INPP4B: variants seen among roughly 807,000 people sequenced by gnomAD.
INPP4B encodes the protein inositol polyphosphate-4-phosphatase type II B, also known as inositol polyphosphate 4-phosphatase type II.
In INPP4B, 55 loss-of-function variants were observed where a neutral mutation model predicts 122.5. The observed-to-expected ratio is 0.45, with a 90% confidence interval of 0.36 to 0.56. The LOEUF (loss-of-function observed/expected upper bound fraction) is 0.56, where lower values mean the gene tolerates loss of function less well. Ranked by LOEUF, INPP4B falls within the 20% of genes least tolerant of loss-of-function variation. INPP4B has a pLI of 0.00. For missense variants in INPP4B, 1,000 were observed against 1,097.7 expected, an observed-to-expected ratio of 0.91 and a Z score of 1.26; for synonymous variants, 403 against 388.7, an observed-to-expected ratio of 1.04 and a Z score of -0.43.
chr4:142,731,698 A>G lies in INPP4B; in HGVS notation c.-253-5797T>C, dbSNP rs1013071106. Among the ~76,000 whole-genome samples, 5 of 152,296 alleles carry G rather than the reference A, an allele frequency of 3.3e-5. No individual in the cohort carries two copies. The East Asian group carries it at 7.7e-4, about 24-fold the overall frequency. ...GTGAAACCCCCCACAAGAAAGTGGA[A>G]TAAAGGTAATAGAAGCATTAGGACT... is the stretch of plus-strand genomic sequence containing the variant. On this transcript the variant is annotated intron_variant, in intron 1 of 25. Transcript: ENST00000262992.
chr4:142,475,239 A>T (rs1819608654), intron 2 of INPP4B, among the ~76,000 whole-genome samples: 1 of 152,086 alleles, frequency 6.6e-6, no homozygotes, highest in Admixed American at 6.5e-5. Context: ...AACTCATACC[A>T]CAAGCAAATT....
chr4:142,734,219 G>A (rs1241804458), intron 1 of INPP4B, among the ~76,000 whole-genome samples: 1 of 152,182 alleles, frequency 6.6e-6, no homozygotes, highest in African/African-American at 2.4e-5. Context: ...GAGGGCACAG[G>A]AAGATACTGT....
At chr4:142,575,664 G>T (rs1036557005) in intron 2 of INPP4B, among the ~76,000 whole-genome samples, 2 of 152,088 alleles carry the variant, frequency 1.3e-5, no homozygotes, top group East Asian at 1.9e-4. Context: ...GACAGGGATG[G>T]CATACTGGAA....
chr4:142,561,064 A>G (rs1730371357), intron 2 of INPP4B, among the ~76,000 whole-genome samples: 1 of 152,240 alleles, frequency 6.6e-6, no homozygotes, highest in Admixed American at 6.5e-5. Flanking sequence ...CCAAAAAAGT[A>G]TTTAATAAGA....
In INPP4B at chr4:142,556,239, T is replaced by C. The variant is rs1276384470; in HGVS notation, c.-190-93513A>G. Among the ~76,000 whole-genome samples the C allele has an allele frequency of 2.0e-5, 3 of 152,328 alleles. No homozygotes were observed. In the East Asian group the frequency reaches 5.8e-4, roughly 29 times the overall value. On this transcript the variant is annotated intron_variant, in intron 2 of 25. Coordinates refer to ENST00000262992, the MANE Select transcript of INPP4B (RefSeq NM_001101669.3). ...TCACATGAGTCTCTTCTTTTTATAC[T>C]AGCAAGACCAAGAAACTTCTTTGGT...
intron 12 of INPP4B, among the ~76,000 whole-genome samples, chr4:142,233,246 C>T (rs1225676953): frequency 2.0e-5 from 3 of 151,528 alleles, no homozygotes; most frequent in African/African-American, 4.9e-5. Flanking sequence ...TCCCACAGGT[C>T]CTATACAGAA....
At chr4:142,486,967 G>T (rs982061761) in intron 2 of INPP4B, among the ~76,000 whole-genome samples, 9 of 152,110 alleles carry the variant, frequency 5.9e-5, no homozygotes, top group African/African-American at 2.2e-4. Flanking sequence ...GTATGGTTTG[G>T]CTCTGTGTCC....
In INPP4B at chr4:142,027,637, A is replaced by T. The variant is rs953648050; in HGVS notation, c.*1145T>A. 1 of 152,220 alleles carries T rather than the reference A, an allele frequency of 6.6e-6. No individual in the cohort carries two copies. Among genetic ancestry groups the T allele is most frequent in the Non-Finnish European group, 1.5e-5 (1 of 68,030 alleles). 9.4% of individuals were successfully genotyped at this position (152,220 alleles called of 1,614,324 possible). On this transcript the variant is annotated 3_prime_UTR_variant, in exon 26 of 26. Coordinates refer to ENST00000262992, the MANE Select transcript of INPP4B (RefSeq NM_001101669.3). ...AAAGTAAGAAGAGATTGTAATTCAA[A>T]TTCTGCAACTATCTCCTGAGTGATT...
At chr4:142,290,965 ATAT>A (rs969080529) in intron 9 of INPP4B, among the ~76,000 whole-genome samples, 2 of 152,142 alleles carry the variant, frequency 1.3e-5, no homozygotes, top group African/African-American at 4.8e-5. Flanking sequence ...TTTTTTGAAC[ATAT>A]TATTATTATT....
At chr4:142,574,000 G>A (rs1733351611) in intron 2 of INPP4B, among the ~76,000 whole-genome samples, 1 of 152,016 alleles carries the variant, frequency 6.6e-6, no homozygotes, top group Non-Finnish European at 1.5e-5. Context: ...GAAATAAACT[G>A]ATGGGGAAAT....
chr4:142,353,316 G>A (rs560167224), intron 7 of INPP4B, among the ~76,000 whole-genome samples: 7 of 152,060 alleles, frequency 4.6e-5, no homozygotes, highest in African/African-American at 1.7e-4. Flanking sequence ...GCCTCTAGGG[G>A]GAGCGCTAGG....
chr4:142,579,344 C>T (rs1487449216), intron 2 of INPP4B, among the ~76,000 whole-genome samples: 3 of 151,906 alleles, frequency 2.0e-5, no homozygotes, highest in African/African-American at 7.2e-5. Context: ...TCATTCAAAG[C>T]ATAAGAAAGA....
intron 2 of INPP4B, among the ~76,000 whole-genome samples, chr4:142,706,331 A>G (rs972991343): frequency 1.2e-4 from 18 of 152,122 alleles, no homozygotes; most frequent in African/African-American, 4.3e-4. Context: ...AGAGTGGCGG[A>G]TATGTATGTT....
At chr4:142,043,115 C>T (rs1333567408) in intron 25 of INPP4B, among the ~76,000 whole-genome samples, 2 of 152,168 alleles carry the variant, frequency 1.3e-5, no homozygotes, top group Non-Finnish European at 2.9e-5. Context: ...AGGATAGGGT[C>T]TCTCTCTTTC....
At chr4:142,453,600 G>T (rs373494735) in intron 3 of INPP4B, among the ~76,000 whole-genome samples, 1 of 152,024 alleles carries the variant, frequency 6.6e-6, no homozygotes, top group Non-Finnish European at 1.5e-5. Flanking sequence ...TTCATAGAGT[G>T]CCTGAGGTTA....
intron 25 of INPP4B, among the ~76,000 whole-genome samples, chr4:142,064,538 A>G (rs79627157): frequency 0.011 from 1,677 of 152,312 alleles, 35 homozygotes; most frequent in African/African-American, 0.039. Flanking sequence ...AATGGCAACT[A>G]CAGATACTAG....
At chr4:142,111,086 T>C (rs1338512423) in intron 22 of INPP4B, among the ~76,000 whole-genome samples, 2 of 152,082 alleles carry the variant, frequency 1.3e-5, no homozygotes, top group East Asian at 1.9e-4. Flanking sequence ...ATAAATAGAA[T>C]ATAATCTAAT....
rs199976631 is a variant in INPP4B, at chr4:142,389,251, GAAAAAAA to G, written c.372+13680_372+13686del. Reference sequence around the variant, plus strand: ...TGTGACAGAGCAAGACTCCATCTCAGAAAAAAAAAAAAAAAAAGAAACTTAGAAACTG... The same window carrying G: ...TGTGACAGAGCAAGACTCCATCTCAGAAAAAAAAAAGAAACTTAGAAACTG... On this transcript the variant is annotated intron_variant, in intron 7 of 25. Transcript: ENST00000262992. Among the ~76,000 whole-genome samples, 104 of 89,532 alleles carry G rather than the reference GAAAAAAA, an allele frequency of 1.2e-3. 1 individual carries two copies. The highest frequency in any genetic ancestry group is 3.4e-3 in the African/African-American group (101 of 29,666). The allele number at this position is 89,532 out of a possible 152,430, so 58.7% of individuals were successfully genotyped here. A position where few individuals can be genotyped will look rare whatever the true frequency, so the allele number is the denominator to read the frequency against.
intron 2 of INPP4B, among the ~76,000 whole-genome samples, chr4:142,626,316 C>T (rs185495470): frequency 8.6e-5 from 13 of 152,030 alleles, no homozygotes; most frequent in Admixed American, 3.9e-4. Flanking sequence ...CTGGATTGGC[C>T]TGACACAATC....
Sources: allele counts gnomAD v4.1 joint callset (sites outside exome capture counted in the v4.1 genomes callset), GRCh38; gene constraint gnomAD v4.1.1; transcripts MANE v1.5; gene names NCBI Gene and HGNC (gene_info 2026-07-23, HGNC 2026-07-21).